FAM83B: variants seen among roughly 807,000 people sequenced by gnomAD.
FAM83B encodes protein FAM83B.
In FAM83B, 26 loss-of-function variants were observed where a neutral mutation model predicts 38.8. That is an observed-to-expected ratio of 0.67 (90% confidence interval 0.49 to 0.93). The LOEUF (loss-of-function observed/expected upper bound fraction) is 0.93. Ranked by LOEUF, FAM83B falls within the 40% of genes least tolerant of loss-of-function variation. FAM83B has a pLI of 0.00. For synonymous variants in FAM83B, 419 were observed against 423.1 expected, an observed-to-expected ratio of 0.99 and a Z score of 0.12; for missense variants, 1,237 against 1,197.3, an observed-to-expected ratio of 1.03 and a Z score of -0.49.
intron 1 of FAM83B, among the ~76,000 whole-genome samples, chr6:54,869,204 C>T (rs539412137): frequency 9.8e-5 from 15 of 152,298 alleles, no homozygotes; most frequent in East Asian, 5.8e-4. Context: ...AATTTCATCT[C>T]GTATACTCTG....
intron 4 of FAM83B, among the ~76,000 whole-genome samples, chr6:54,933,430 G>T (rs1172684178): frequency 6.6e-6 from 1 of 151,776 alleles, no homozygotes; most frequent in African/African-American, 2.4e-5. Context: ...AGCTCATTGA[G>T]CATTTTTATA....
intron 2 of FAM83B, among the ~76,000 whole-genome samples, chr6:54,893,842 G>C (rs777468096): frequency 1.1e-4 from 16 of 152,052 alleles, no homozygotes; most frequent in Non-Finnish European, 2.2e-4. Context: ...CCTCCAATGA[G>C]TAATTTATAG....
intron 1 of FAM83B, among the ~76,000 whole-genome samples, chr6:54,864,910 A>G (rs536777702): frequency 6.6e-6 from 1 of 152,188 alleles, no homozygotes; most frequent in Non-Finnish European, 1.5e-5. Context: ...TTTTCCCTCA[A>G]TATATGAGAG....
At chr6:54,874,737 C>CT (rs1405375016) in intron 2 of FAM83B, among the ~76,000 whole-genome samples, 1 of 152,038 alleles carries the variant, frequency 6.6e-6, no homozygotes, top group Admixed American at 6.6e-5. Context: ...TCTAGGCTAG[C>CT]TTTTTTTGTG....
chr6:54,880,274 T>C (rs975046821), intron 2 of FAM83B, among the ~76,000 whole-genome samples: 3 of 152,232 alleles, frequency 2.0e-5, no homozygotes, highest in Non-Finnish European at 4.4e-5. Context: ...CTCTGTGTTA[T>C]ATGGGATCTG....
In FAM83B at chr6:54,940,255, A is replaced by C. The variant is rs548232784; in HGVS notation, c.1284A>C (p.Ser428=). Residue 428 remains serine, a synonymous_variant, in exon 5 of 5, where the codon TCA becomes TCC. Transcript: ENST00000306858. ...KPSDSLSVAS[S]SREGYVSHHN... ...CTGATAGTCTCAGTGTGGCGTCCTC[A>C]TCACGGGAAGGCTATGTAAGCCACC... 1 of 1,614,084 alleles carries C rather than the reference A, an allele frequency of 6.2e-7. No individual in the cohort carries two copies. Among genetic ancestry groups the C allele is most frequent in the African/African-American group, 1.3e-5 (1 of 75,058 alleles).
chr6:54,940,612 A>T lies in FAM83B; in HGVS notation c.1641A>T (p.Lys547Asn). Residue 547 changes from lysine (K) to asparagine (N), a missense_variant, in exon 5 of 5, where the codon AAA (lysine) becomes AAT (asparagine). Physicochemically the swap from Lys to Asn is moderately conservative, Grantham distance 94 (BLOSUM62 0). Coordinates refer to ENST00000306858, the MANE Select transcript of FAM83B (RefSeq NM_001010872.3). ...GGCTTCGTTCCTCTTTAGTATTTAAACCCACTTTACCTGAGCAAAAGGAAG... is the reference window on the plus strand; with the variant it reads ...GGCTTCGTTCCTCTTTAGTATTTAATCCCACTTTACCTGAGCAAAAGGAAG... ...HSRLRSSLVF[K>N]PTLPEQKEVN... is the part of the protein sequence containing the mutation. 1.2e-6 allele frequency: 2 copies of T among 1,613,990 alleles called. No individual in the cohort carries two copies. Among genetic ancestry groups the T allele is most frequent in the South Asian group, 2.2e-5 (2 of 91,072 alleles).
chr6:54,858,356 A>T (rs1226814578), intron 1 of FAM83B, among the ~76,000 whole-genome samples: 3 of 152,224 alleles, frequency 2.0e-5, no homozygotes, highest in African/African-American at 7.2e-5. Flanking sequence ...CCTTTAGAGT[A>T]GAGTGAGGGA....
In FAM83B at chr6:54,870,612, T is replaced by A; in HGVS notation, c.366T>A (p.Asp122Glu). 3 of 1,613,776 alleles carry A rather than the reference T, an allele frequency of 1.9e-6. No homozygotes were observed. The highest frequency in any genetic ancestry group is 2.5e-6 in the Non-Finnish European group (3 of 1,179,924). ...MPGLLGGTHI[D>E]LLFHPPRAHL... ...GACTCTTAGGGGGCACCCATATAGA[T>A]CTCCTTTTTCATCCACCAAGAGCAC... The change falls in exon 2 of 5, where the codon GAT (aspartate) becomes GAA (glutamate). Residue 122 changes from aspartate (D) to glutamate (E), a missense_variant. Transcript: ENST00000306858.
At chr6:54,850,845 G>A (rs1399874392) in intron 1 of FAM83B, among the ~76,000 whole-genome samples, 3 of 151,628 alleles carry the variant, frequency 2.0e-5, no homozygotes, top group East Asian at 3.9e-4. Flanking sequence ...GTGGTGAAAC[G>A]CCGTCTCTAC....
At chr6:54,856,023 T>C (rs1044823080) in intron 1 of FAM83B, among the ~76,000 whole-genome samples, 4 of 152,210 alleles carry the variant, frequency 2.6e-5, no homozygotes, top group African/African-American at 9.6e-5. Context: ...GATGATTCCA[T>C]GGAAAGGGTG....
intron 4 of FAM83B, among the ~76,000 whole-genome samples, chr6:54,928,077 C>G (rs1293470607): frequency 1.3e-5 from 2 of 152,102 alleles, no homozygotes; most frequent in Non-Finnish European, 2.9e-5. Context: ...AACTGGCAAC[C>G]CAGTCCAGGT....
At chr6:54,932,980 T>G (rs1773456009) in intron 4 of FAM83B, among the ~76,000 whole-genome samples, 1 of 152,176 alleles carries the variant, frequency 6.6e-6, no homozygotes, top group Admixed American at 6.6e-5. Flanking sequence ...AAAATTTGTA[T>G]GTCAATTTTT....
At chr6:54,874,585 T>A (rs1019563206) in intron 2 of FAM83B, among the ~76,000 whole-genome samples, 2 of 152,174 alleles carry the variant, frequency 1.3e-5, no homozygotes, top group Non-Finnish European at 2.9e-5. Flanking sequence ...ACATCCCCTC[T>A]AATTACTTAA....
Position 54,926,437 on chromosome 6 carries a change from A to G in FAM83B, c.511A>G (p.Thr171Ala). The G allele has an allele frequency of 6.2e-7, 1 of 1,609,952 alleles. No homozygotes were observed. Among genetic ancestry groups the G allele is most frequent in the African/African-American group, 1.3e-5 (1 of 74,916 alleles). Residue 171 changes from threonine (T) to alanine (A), a missense_variant, in exon 3 of 5, where the codon ACT becomes GCT. Coordinates refer to ENST00000306858, the MANE Select transcript of FAM83B (RefSeq NM_001010872.3). ...TTTCAAAGAAATCGTTGAGGCATCA[A>G]CTCGAGGAGTATCTGTTTACATTCT... Reference protein sequence around the residue: ...DIFKEIVEASTRGVSVYILLD... With the variant: ...DIFKEIVEASARGVSVYILLD...
Position 54,870,262 on chromosome 6 carries a change from A to G in FAM83B, c.16A>G (p.Met6Val), listed in dbSNP as rs1771813148. The change falls in exon 2 of 5, where the codon ATG (methionine) becomes GTG (valine). Residue 6 changes from methionine (M) to valine (V), a missense_variant. By Grantham distance (21) the Met-to-Val change is conservative. Coordinates refer to ENST00000306858, the MANE Select transcript of FAM83B (RefSeq NM_001010872.3). METSS[M>V]LSSLNDECKS... ...ACTTGCAAGCATGGAGACCTCATCA[A>G]TGCTTTCCTCATTGAATGATGAGTG... The G allele has an allele frequency of 1.9e-6, 3 of 1,613,382 alleles. No individual in the cohort carries two copies. The highest frequency in any genetic ancestry group is 1.7e-6 in the Non-Finnish European group (2 of 1,179,402).
At chr6:54,900,298 C>T (rs1772631798) in intron 2 of FAM83B, among the ~76,000 whole-genome samples, 1 of 152,148 alleles carries the variant, frequency 6.6e-6, no homozygotes, top group Admixed American at 6.5e-5. Context: ...CCCTATCCTA[C>T]CCCATGCTGG....
chr6:54,926,652 T>C, intron 3 of FAM83B, 117 bp downstream of exon 3: 1 of 733,034 alleles, frequency 1.4e-6, no homozygotes, highest in Non-Finnish European at 2.1e-6. Flanking sequence ...AAAATACGTA[T>C]TTAAGGTTAT....
intron 4 of FAM83B, among the ~76,000 whole-genome samples, chr6:54,937,246 C>T (rs239792): frequency 0.64 from 97,581 of 151,468 alleles, 33,295 homozygotes; most frequent in East Asian, 0.89. Context: ...TATTAAATCA[C>T]TAGATTTTCA....
Sources: gnomAD v4.1 joint callset for allele counts (sites outside exome capture counted in the v4.1 genomes callset) on GRCh38, gnomAD v4.1.1 for gene constraint, MANE v1.5 for transcripts, NCBI Gene and HGNC (gene_info 2026-07-23, HGNC 2026-07-21) for gene names.